Variants in LMX1B observed in about 807,000 individuals in gnomAD.
LMX1B encodes LIM homeobox transcription factor 1 beta.
Under a neutral mutation model 51.4 loss-of-function variants are expected in LMX1B, and 12 were observed. The observed-to-expected ratio is 0.23, with a 90% confidence interval of 0.15 to 0.38. The LOEUF (loss-of-function observed/expected upper bound fraction) is 0.38. Ranked by LOEUF, LMX1B falls within the 10% of genes least tolerant of loss-of-function variation. The probability of loss-of-function intolerance (pLI) is 1.00; values close to 1 mark genes in which losing one functional copy is unlikely to be tolerated. For missense variants in LMX1B, 445 were observed against 571.1 expected (o/e 0.78, Z 2.25); for synonymous variants, 237 against 235.4 (o/e 1.01, Z -0.06).
Position 126,614,567 on chromosome 9 carries a change from G to T in LMX1B, c.118G>T (p.Ala40Ser), listed in dbSNP as rs760533573. The T allele has an allele frequency of 1.9e-6, 3 of 1,601,628 alleles. No individual in the cohort carries two copies. The highest frequency in any genetic ancestry group is 2.3e-5 in the East Asian group (1 of 44,152). Residue 40 changes from alanine (A) to serine (S), a missense_variant, in exon 1 of 8, where the codon GCC becomes TCC. By Grantham distance (99) the Ala-to-Ser change is moderately conservative. This residue lies in a region of LMX1B where 273 missense variants were observed against 343.3 expected (regional missense o/e 0.80). Transcript: ENST00000373474. ...GGAGCACGCCCTGCGCCCCGGGCCC[G>T]CCACTCTGGGGGTGCTGCTGGGTGA... ...MEEHALRPGP[A>S]TLGVLLGSDC... is the part of the protein sequence containing the mutation.
At chr9:126,655,055 G>A (rs1469004212) in intron 2 of LMX1B, among the ~76,000 whole-genome samples, 5 of 152,214 alleles carry the variant, frequency 3.3e-5, no homozygotes, top group Non-Finnish European at 5.9e-5. Flanking sequence ...GAAATGGGGC[G>A]GTGGTGTTAG....
At chr9:126,642,417 C>A (rs148347645) in intron 2 of LMX1B, among the ~76,000 whole-genome samples, 47 of 152,330 alleles carry the variant, frequency 3.1e-4, no homozygotes, top group African/African-American at 1.1e-3. Flanking sequence ...ATCACCAGAG[C>A]TTCAGTGCCA....
chr9:126,622,505 C>T (rs571710465), intron 2 of LMX1B, among the ~76,000 whole-genome samples: 1 of 152,162 alleles, frequency 6.6e-6, no homozygotes, highest in African/African-American at 2.4e-5. Context: ...GGTCCCTCCC[C>T]CAAGCGCCTC....
intron 2 of LMX1B, among the ~76,000 whole-genome samples, chr9:126,619,818 A>G (rs1015875224): frequency 2.0e-5 from 3 of 151,782 alleles, no homozygotes. Flanking sequence ...ATTTTTCTTG[A>G]GTGGGGGAAG....
In LMX1B at chr9:126,645,887, C is replaced by T. The variant is rs376826382; in HGVS notation, c.326+30318C>T. Among the ~76,000 whole-genome samples the T allele has an allele frequency of 6.6e-5, 10 of 152,192 alleles. No individual in the cohort carries two copies. The East Asian group carries it at 1.5e-3, about 24-fold the overall frequency. On this transcript the variant is annotated intron_variant, in intron 2 of 7. Transcript: ENST00000373474. ...GTGGAGGATGGGGTGGGGGAGAAGC[C>T]GCTGAGGGAGGGAGGTCAGGAAAAC...
chr9:126,693,210 G>A lies in LMX1B; in HGVS notation c.628G>A (p.Gly210Arg), dbSNP rs754095270. ...GCAGGGCAGTCAGAGCAAGGGCAGC[G>A]GGGATGACGGGAAGGACCCGCGGAG... The part of the protein sequence containing the change: ...KGQGSQSKGS[G>R]DDGKDPRRPK... Residue 210 changes from glycine to arginine, a missense_variant, in exon 4 of 8, where the codon GGG becomes AGG. By Grantham distance (125) the Gly-to-Arg change is moderately radical. Transcript: ENST00000373474. 8.5e-5 allele frequency: 136 copies of A among 1,608,908 alleles called. 1 individual carries two copies. In the South Asian group the frequency reaches 1.2e-3, roughly 14 times the overall value.
chr9:126,693,509 C>T lies in LMX1B; in HGVS notation c.742-15C>T. ...CCCCTGGAGGGCCTGACCTGTTCCCCTCTCTCTGAGCCAGGTCCGAGAGAC... is the reference window on the plus strand; with the variant it reads ...CCCCTGGAGGGCCTGACCTGTTCCCTTCTCTCTGAGCCAGGTCCGAGAGAC... On this transcript the variant is annotated splice_polypyrimidine_tract_variant and intron_variant, in intron 4 of 7. Transcript: ENST00000373474. 1.9e-6 allele frequency: 3 copies of T among 1,613,592 alleles called. No homozygotes were observed. Among genetic ancestry groups the T allele is most frequent in the Non-Finnish European group, 2.5e-6 (3 of 1,179,732 alleles).
intron 2 of LMX1B, among the ~76,000 whole-genome samples, chr9:126,650,247 C>T (rs746938977): frequency 3.9e-5 from 6 of 152,162 alleles, no homozygotes; most frequent in Non-Finnish European, 5.9e-5. Flanking sequence ...TGTTCTGGCA[C>T]GTCAAGTGAG....
chr9:126,667,572 G>A (rs142115312), intron 2 of LMX1B, among the ~76,000 whole-genome samples: 39 of 152,370 alleles, frequency 2.6e-4, no homozygotes, highest in Non-Finnish European at 4.7e-4. Context: ...GATCCCCAGA[G>A]AGGCTGGGAG....
At chr9:126,675,042 G>A (rs746341849) in intron 2 of LMX1B, among the ~76,000 whole-genome samples, 36 of 152,208 alleles carry the variant, frequency 2.4e-4, no homozygotes, top group Non-Finnish European at 4.3e-4. Flanking sequence ...TGTAAAATCA[G>A]GTGCTGTTGT....
At chr9:126,647,185 C>G (rs1400865249) in intron 2 of LMX1B, among the ~76,000 whole-genome samples, 3 of 151,884 alleles carry the variant, frequency 2.0e-5, no homozygotes, top group African/African-American at 7.3e-5. Context: ...TGCACTCCAG[C>G]CTGAGCAACA....
chr9:126,654,166 GTCCTGGCTGCGCCCACTCAGGCT>G lies in LMX1B; in HGVS notation c.327-36665_327-36643del, dbSNP rs1221720343. ...TGAGCCACTCCCGAGATGCCACACTGTCCTGGCTGCGCCCACTCAGGCTTCCTCCTCTTGGGCAGCTCCTGCCC... is the reference window on the plus strand; with the variant it reads ...TGAGCCACTCCCGAGATGCCACACTGTCCTCCTCTTGGGCAGCTCCTGCCC... On this transcript the variant is annotated intron_variant, in intron 2 of 7. Coordinates refer to ENST00000373474, the MANE Select transcript of LMX1B (RefSeq NM_001174147.2). 2.0e-5 allele frequency among the ~76,000 whole-genome samples: 3 copies of G among 152,210 alleles called. No individual in the cohort carries two copies. In the East Asian group the frequency reaches 5.8e-4, roughly 29 times the overall value.
At chr9:126,633,239 G>A (rs543727359) in intron 2 of LMX1B, among the ~76,000 whole-genome samples, 40 of 152,174 alleles carry the variant, frequency 2.6e-4, no homozygotes, top group South Asian at 4.1e-4. Context: ...GAGGGAACTC[G>A]AACTCTCGAG....
intron 2 of LMX1B, among the ~76,000 whole-genome samples, chr9:126,633,408 G>A (rs1220112703): frequency 1.3e-5 from 2 of 152,184 alleles, no homozygotes; most frequent in African/African-American, 2.4e-5. Flanking sequence ...ATGAATGAAC[G>A]GTGCTTACCT....
chr9:126,643,940 C>G (rs1279528761), intron 2 of LMX1B, among the ~76,000 whole-genome samples: 1 of 152,198 alleles, frequency 6.6e-6, no homozygotes, highest in Non-Finnish European at 1.5e-5. Context: ...AACTGAGGCT[C>G]GGGGTCAAGT....
chr9:126,680,528 T>G (rs963429858), intron 2 of LMX1B, among the ~76,000 whole-genome samples: 2 of 152,144 alleles, frequency 1.3e-5, no homozygotes, highest in African/African-American at 4.8e-5. Flanking sequence ...ATGATAATAA[T>G]GAATGTTGGA....
chr9:126,666,003 C>G (rs10429545), intron 2 of LMX1B, among the ~76,000 whole-genome samples: 2,089 of 152,358 alleles, frequency 0.014, 39 homozygotes, highest in African/African-American at 0.045. Flanking sequence ...CATCACAGCT[C>G]CTACGCAGAG....
intron 2 of LMX1B, among the ~76,000 whole-genome samples, chr9:126,624,976 T>C (rs899039982): frequency 2.0e-5 from 3 of 152,230 alleles, no homozygotes; most frequent in African/African-American, 7.2e-5. Context: ...AATAAGATTA[T>C]GTCACGAACA....
chr9:126,655,110 G>A (rs1341803400), intron 2 of LMX1B, among the ~76,000 whole-genome samples: 1 of 152,266 alleles, frequency 6.6e-6, no homozygotes, highest in African/African-American at 2.4e-5. Context: ...AAGAGGTGAT[G>A]AGAGTGAATG....
Sources: gnomAD v4.1 joint callset for allele counts (sites outside exome capture counted in the v4.1 genomes callset) on GRCh38, gnomAD v4.1.1 for gene constraint, gnomAD v4.1.1 regional missense constraint, MANE v1.5 for transcripts, NCBI Gene and HGNC (gene_info 2026-07-23, HGNC 2026-07-21) for gene names.